Variants in RASA3 observed in about 807,000 individuals in gnomAD.
RASA3 encodes ras GTPase-activating protein 3.
RASA3 carries 73 observed loss-of-function variants against 110.0 expected under a neutral mutation model. The ratio of observed to expected loss-of-function variants is 0.66; its 90% CI spans 0.55 to 0.81. RASA3 has a LOEUF of 0.81. Among genes scored for constraint, RASA3 ranks in the 30% least tolerant of loss-of-function variants. The pLI is 0.00. For synonymous variants in RASA3, 500 were observed against 451.4 expected (o/e 1.11, Z -1.37); for missense variants, 976 against 1,113.2 (o/e 0.88, Z 1.75).
At chr13:113,996,209 T>G (rs1192591005) in intron 21 of RASA3, among the ~76,000 whole-genome samples, 1 of 152,102 alleles carries the variant, frequency 6.6e-6, no homozygotes, top group Admixed American at 6.5e-5. Flanking sequence ...GCTCCCAGCC[T>G]CCTCCTAGAG....
At position 114,077,808 on chromosome 13, in the gene RASA3, T is replaced by C. The variant is rs549629092; in HGVS notation, c.56-3971A>G. The C allele has an allele frequency of 3.6e-5, 35 of 983,196 alleles. 1 individual carries two copies. The South Asian group carries it at 1.5e-3, about 41-fold the overall frequency. 60.9% of individuals were successfully genotyped at this position (983,196 alleles called of 1,614,324 possible). A position where few individuals can be genotyped will look rare whatever the true frequency, so the allele number is the denominator to read the frequency against. On this transcript the variant is annotated intron_variant, in intron 1 of 23. Transcript: ENST00000334062. ...CCCGATGGCCCCGTCTTTACCTCCT[T>C]CTCCTTGCTCACTGTCATCTGGGGC...
intron 3 of RASA3, among the ~76,000 whole-genome samples, chr13:114,046,387 G>T (rs573407259): frequency 1.3e-5 from 2 of 152,212 alleles, no homozygotes; most frequent in Admixed American, 6.5e-5. Context: ...GACTCCCCAC[G>T]GGCGGGGTGT....
In RASA3 at chr13:114,065,903, C is replaced by T. The variant is rs960316660; in HGVS notation, c.173+7817G>A. 1.1e-4 allele frequency among the ~76,000 whole-genome samples: 17 copies of T among 152,196 alleles called. No individual in the cohort carries two copies. Among genetic ancestry groups the T allele is most frequent in the Admixed American group, 9.2e-4 (14 of 15,288 alleles). ...TAGAGCTGTGAGTCTTCAAACGGAA[C>T]CCAAAGACTCAGTGAGGAAAGCAGG... On this transcript the variant is annotated intron_variant, in intron 2 of 23. Transcript: ENST00000334062. This position sits in a 1 kb window ranked among gnomAD's most constrained non-coding sequence, Gnocchi z 4.1.
At chr13:113,979,974 T>TTC (rs2052872992) in intron 23 of RASA3, among the ~76,000 whole-genome samples, 1 of 142,008 alleles carries the variant, frequency 7.0e-6, no homozygotes, top group Non-Finnish European at 1.6e-5. Flanking sequence ...CTTCCACGTG[T>TTC]ACCTCCTCCC....
Position 114,052,117 on chromosome 13 carries a change from C to A in RASA3, c.212G>T (p.Arg71Leu), listed in dbSNP as rs766568683. 1.9e-6 allele frequency: 3 copies of A among 1,613,302 alleles called. No individual in the cohort carries two copies. Among genetic ancestry groups the A allele is most frequent in the Non-Finnish European group, 2.5e-6 (3 of 1,179,740 alleles). ...YGEDFYCEIP[R>L]SFRHLSFYIF... ...GTAGAAGGACAGGTGACGAAAGCTCCGAGGAATTTCACAGTAAAAGTCTTC... is the reference window on the plus strand; with the variant it reads ...GTAGAAGGACAGGTGACGAAAGCTCAGAGGAATTTCACAGTAAAAGTCTTC... Residue 71 changes from arginine (R) to leucine (L), a missense_variant, in exon 3 of 24, where the codon CGG becomes CTG. Physicochemically the swap from Arg to Leu is moderately radical, Grantham distance 102 (BLOSUM62 -2). This residue lies in a region of RASA3 where 732 missense variants were observed against 779.7 expected (regional missense o/e 0.94). Coordinates refer to ENST00000334062, the MANE Select transcript of RASA3 (RefSeq NM_007368.4).
chr13:114,119,628 CT>C (rs1268378445), intron 1 of RASA3, among the ~76,000 whole-genome samples: 1 of 79,538 alleles, frequency 1.3e-5, no homozygotes, highest in Middle Eastern at 6.8e-3. Flanking sequence ...GGGCCCCTCC[CT>C]CTCTCCAGCC....
rs373938545 is a variant in RASA3, at chr13:114,011,229, G to A, written c.1532C>T (p.Thr511Met). 2 of 1,612,704 alleles carry A rather than the reference G, an allele frequency of 1.2e-6. No homozygotes were observed. The highest frequency in any genetic ancestry group is 1.1e-5 in the South Asian group (1 of 90,460). Reference protein sequence around the residue: ...PHHTDPQTSRTLTLISKTVQT... With the variant: ...PHHTDPQTSRMLTLISKTVQT... ...AACGGTCTTGGAGATCAATGTCAGC[G>A]TCCTGGACGTCTGGGGGTCCTGGGG... The change falls in exon 16 of 24, where the codon ACG (threonine) becomes ATG (methionine). Residue 511 changes from threonine to methionine, a missense_variant. Thr to Met is a moderately conservative substitution (Grantham distance 81). This residue lies in a region of RASA3 where 732 missense variants were observed against 779.7 expected (regional missense o/e 0.94). Coordinates refer to ENST00000334062, the MANE Select transcript of RASA3 (RefSeq NM_007368.4). The surrounding 1 kb of genome is among the most constrained non-coding windows in gnomAD (Gnocchi z 4.8).
chr13:114,029,740 C>T (rs2054110028), intron 5 of RASA3, 71 bp downstream of exon 5: 3 of 1,418,624 alleles, frequency 2.1e-6, no homozygotes, highest in Non-Finnish European at 1.9e-6. Flanking sequence ...GTGTGAAAAC[C>T]CCTGTGTGCT....
chr13:114,064,103 AC>A (rs994354258), intron 2 of RASA3, among the ~76,000 whole-genome samples: 1 of 152,156 alleles, frequency 6.6e-6, no homozygotes, highest in African/African-American at 2.4e-5. Context: ...AACTAAAAAA[AC>A]CCCCACAAAT....
intron 6 of RASA3, 42 bp from the exon 7 acceptor site, chr13:114,027,503 C>CT (rs1214190829): frequency 1.4e-6 from 2 of 1,471,280 alleles, no homozygotes; most frequent in Non-Finnish European, 1.9e-6. Flanking sequence ...AACAACACTG[C>CT]TGATTCCAAG....
intron 1 of RASA3, among the ~76,000 whole-genome samples, chr13:114,132,160 C>G (rs1366800300): frequency 6.6e-6 from 1 of 152,226 alleles, no homozygotes; most frequent in African/African-American, 2.4e-5. Context: ...ACCCCACCTC[C>G]TCCGCCGCTA....
intron 6 of RASA3, 27 bp from the exon 7 acceptor site, chr13:114,027,488 A>G: frequency 1.3e-6 from 2 of 1,567,370 alleles, no homozygotes; most frequent in Non-Finnish European, 1.8e-6. Context: ...AAGGATTGGG[A>G]TTAAAACAAC....
intron 4 of RASA3, 112 bp downstream of exon 4, chr13:114,040,888 A>G (rs543740320): frequency 1.8e-5 from 18 of 977,624 alleles, no homozygotes; most frequent in Admixed American, 1.6e-4. Context: ...CGTTATTCCC[A>G]GTCAAGGCCG....
chr13:114,043,812 C>T (rs2078981260), intron 3 of RASA3, among the ~76,000 whole-genome samples: 1 of 151,034 alleles, frequency 6.6e-6, no homozygotes, highest in South Asian at 2.1e-4. Flanking sequence ...CAGGACACCT[C>T]CGCCTGGCCC....
In RASA3 at chr13:114,096,979, C is replaced by A. The variant is rs912420484; in HGVS notation, c.56-23142G>T. Among the ~76,000 whole-genome samples, 14 of 152,220 alleles carry A rather than the reference C, an allele frequency of 9.2e-5. No homozygotes were observed. The highest frequency in any genetic ancestry group is 3.1e-4 in the African/African-American group (13 of 41,454). On this transcript the variant is annotated intron_variant, in intron 1 of 23. Transcript: ENST00000334062. This position sits in a 1 kb window ranked among gnomAD's most constrained non-coding sequence, Gnocchi z 5.1. ...AATCCTTCCCGTGCACCAGGCCACT[C>A]TGAGTCTGCTCCTCCACGAGGCTCC...
Position 114,011,074 on chromosome 13 carries a change from G to T in RASA3, c.1590+97C>A. 3.6e-6 allele frequency: 4 copies of T among 1,125,996 alleles called. No individual in the cohort carries two copies. Among genetic ancestry groups the T allele is most frequent in the East Asian group, 2.4e-5 (1 of 41,192 alleles). The allele number at this position is 1,125,996 out of a possible 1,614,324, so 69.8% of individuals were successfully genotyped here. On this transcript the variant is annotated intron_variant, in intron 16 of 23. Transcript: ENST00000334062. This position sits in a 1 kb window ranked among gnomAD's most constrained non-coding sequence, Gnocchi z 4.8. ...CTTTGATTCTTGATCTTTATCTTAC[G>T]ACTCTCTCAAATGTGGGAGGTTTTT...
chr13:113,979,546 A>G lies in RASA3; in HGVS notation c.2430-124T>C. On this transcript the variant is annotated intron_variant, in intron 23 of 23. Transcript: ENST00000334062. ...TCACACTGCAATCCACACAAAAAAT[A>G]GAGGAGCCAAAGGAACCACAGTGCC... The G allele has an allele frequency of 1.2e-5, 10 of 802,568 alleles. No homozygotes were observed. In the South Asian group the frequency reaches 1.4e-4, roughly 11 times the overall value. The allele number at this position is 802,568 out of a possible 1,614,324, so 49.7% of individuals were successfully genotyped here.
intron 1 of RASA3, among the ~76,000 whole-genome samples, chr13:114,124,522 C>G (rs1408661714): frequency 3.9e-5 from 6 of 152,236 alleles, no homozygotes; most frequent in Non-Finnish European, 8.8e-5. Flanking sequence ...ACGTTTGTAA[C>G]TGTTCACTTT....
At chr13:114,043,853 CA>C in intron 3 of RASA3, among the ~76,000 whole-genome samples, 1 of 33,102 alleles carries the variant, frequency 3.0e-5, no homozygotes, top group Middle Eastern at 0.016. Flanking sequence ...CGCCCCGCCT[CA>C]CTCGCTGAGC....
Sources: gnomAD v4.1 joint callset for allele counts (sites outside exome capture counted in the v4.1 genomes callset) on GRCh38, gnomAD v4.1.1 for gene constraint, gnomAD v4.1.1 regional missense constraint, Gnocchi (gnomAD v3.1) non-coding constraint, MANE v1.5 for transcripts, NCBI Gene and HGNC (gene_info 2026-07-23, HGNC 2026-07-21) for gene names.